The following CFAP251 variants were observed in gnomAD, a reference collection of about 807,000 sequenced individuals.
CFAP251 encodes the protein cilia- and flagella-associated protein 251.
CFAP251 carries 93 observed loss-of-function variants against 126.7 expected under a neutral mutation model. That is an observed-to-expected ratio of 0.73 (90% CI 0.62 to 0.87). CFAP251 has a LOEUF of 0.87. CFAP251 is among the 40% of genes least tolerant of loss of function. The pLI is 0.00. For synonymous variants in CFAP251, 503 were observed against 506.9 expected (o/e 0.99, Z 0.10); for missense variants, 1,287 against 1,389.2 (o/e 0.93, Z 1.17).
chr12:121,979,563 C>CTTCTTTTTTT (rs751383402), intron 19 of CFAP251, among the ~76,000 whole-genome samples: 1 of 85,000 alleles, frequency 1.2e-5, no homozygotes, highest in East Asian at 4.3e-4. Context: ...CTTTCTTCTT[C>CTTCTTTTTTT]TTTTTTTTTT....
chr12:121,923,105 C>A (rs1477134095), intron 2 of CFAP251, among the ~76,000 whole-genome samples: 1 of 151,646 alleles, frequency 6.6e-6, no homozygotes, highest in Admixed American at 6.6e-5. Context: ...CTTTTCTTAT[C>A]TTTTCCTTTT....
At chr12:121,981,521 C>T (rs1420556555) in intron 19 of CFAP251, among the ~76,000 whole-genome samples, 1 of 152,188 alleles carries the variant, frequency 6.6e-6, no homozygotes, top group Admixed American at 6.5e-5. Flanking sequence ...ACCCACTGAC[C>T]TGCTCCCGCC....
At chr12:121,977,134 C>T (rs959507978) in intron 19 of CFAP251, among the ~76,000 whole-genome samples, 8 of 152,112 alleles carry the variant, frequency 5.3e-5, no homozygotes, top group East Asian at 1.9e-4. Flanking sequence ...ACGCCTGGGC[C>T]GTATGGTAGA....
At chr12:121,983,110 C>T (rs1038879694) in intron 19 of CFAP251, among the ~76,000 whole-genome samples, 3 of 151,978 alleles carry the variant, frequency 2.0e-5, no homozygotes, top group Non-Finnish European at 4.4e-5. Flanking sequence ...ACTTGTAGTC[C>T]CAGATACTTG....
intron 3 of CFAP251, among the ~76,000 whole-genome samples, chr12:121,924,710 G>A (rs372219104): frequency 1.2e-3 from 187 of 151,826 alleles, no homozygotes; most frequent in African/African-American, 4.3e-3. Flanking sequence ...GATTACAGGC[G>A]TGAGCCACCA....
At chr12:121,927,845 G>A (rs992407073) in intron 3 of CFAP251, among the ~76,000 whole-genome samples, 4 of 152,178 alleles carry the variant, frequency 2.6e-5, no homozygotes, top group Non-Finnish European at 4.4e-5. Flanking sequence ...ATGTATTTAT[G>A]AGCAGGAATC....
chr12:121,928,625 T>TGTGTATATATATATATATAC (rs1880512155), intron 3 of CFAP251, among the ~76,000 whole-genome samples: 1 of 35,268 alleles, frequency 2.8e-5, no homozygotes, highest in African/African-American at 2.5e-4. Context: ...TATGTATATG[T>TGTGTATATATATATATATAC]GTATATATAT....
intron 2 of CFAP251, among the ~76,000 whole-genome samples, chr12:121,922,105 C>CTTT (rs545096948): frequency 8.3e-6 from 1 of 120,422 alleles, no homozygotes; most frequent in Non-Finnish European, 1.7e-5. Context: ...ACAATCCATT[C>CTTT]TTTTTTTTTT....
intron 17 of CFAP251, among the ~76,000 whole-genome samples, 187 bp from the exon 18 acceptor site, chr12:121,975,057 C>T (rs188975814): frequency 2.6e-3 from 390 of 152,292 alleles, no homozygotes; most frequent in Non-Finnish European, 2.9e-3. Context: ...CTGAGTTCCA[C>T]GCTTGAAATG....
chr12:121,980,611 G>C (rs903106864), intron 19 of CFAP251, among the ~76,000 whole-genome samples: 3 of 152,078 alleles, frequency 2.0e-5, no homozygotes, highest in African/African-American at 4.8e-5. Flanking sequence ...GCCTCCCACA[G>C]TGCTGGGATT....
rs961722236 is a variant in CFAP251 at position 122,000,738 on chromosome 12, A to G, written c.3236-759A>G. On this transcript the variant is annotated intron_variant, in intron 20 of 21. Transcript: ENST00000288912. ...ATCTTAGTCCAAGTGGGTGGTTCTG[A>G]GAGGAGGGAATTTGAAATGAAGCAG... Among the ~76,000 whole-genome samples, 6 of 152,114 alleles carry G rather than the reference A, an allele frequency of 3.9e-5. No homozygotes were observed. In the East Asian group the frequency reaches 9.7e-4, roughly 24 times the overall value.
At chr12:121,937,359 G>T (rs1174208689) in intron 5 of CFAP251, among the ~76,000 whole-genome samples, 1 of 152,094 alleles carries the variant, frequency 6.6e-6, no homozygotes, top group Non-Finnish European at 1.5e-5. Context: ...TAGATTTGGG[G>T]CCCACCCCAG....
chr12:121,923,537 A>C lies in CFAP251; in HGVS notation c.379-85A>C. ...TAATTCCTAGGTGAGGCTAACACTA[A>C]GACTGGCTGACTGGGAATAGAAAAG... On this transcript the variant is annotated intron_variant, in intron 2 of 21. Transcript: ENST00000288912. 2.0e-6 allele frequency: 3 copies of C among 1,496,944 alleles called. No individual in the cohort carries two copies. In the East Asian group the frequency reaches 6.8e-5, roughly 34 times the overall value. The allele number at this position is 1,496,944 out of a possible 1,614,324, so 92.7% of individuals were successfully genotyped here.
intron 14 of CFAP251, among the ~76,000 whole-genome samples, chr12:121,961,045 C>T (rs553976007): frequency 1.3e-5 from 2 of 152,264 alleles, no homozygotes; most frequent in African/African-American, 4.8e-5. Flanking sequence ...CCCTTGCCTC[C>T]CAGTGTGCAC....
chr12:121,977,769 C>A, intron 19 of CFAP251, among the ~76,000 whole-genome samples: 1 of 151,064 alleles, frequency 6.6e-6, no homozygotes, highest in Non-Finnish European at 1.5e-5. Flanking sequence ...TCCTGGCTAA[C>A]ACGGTGAAAC....
chr12:121,950,131 A>G (rs1396475070), intron 8 of CFAP251: 1 of 152,248 alleles, frequency 6.6e-6, no homozygotes, highest in Non-Finnish European at 1.5e-5. Context: ...TATCCATACA[A>G]TGGAATGTTA....
rs975767602 is a variant in CFAP251, at chr12:121,943,640, G to C, written c.1191+665G>C. On this transcript the variant is annotated intron_variant, in intron 7 of 21. Transcript: ENST00000288912. ...GGTTTTCTCCATGTTGGTCAGGCTG[G>C]TCTTGAACTCCCGACCTCAGGTGAT... Among the ~76,000 whole-genome samples, 3 of 152,148 alleles carry C rather than the reference G, an allele frequency of 2.0e-5. No homozygotes were observed. The East Asian group carries it at 5.8e-4, about 30-fold the overall frequency.
At chr12:121,959,274 A>G (rs1881842823) in intron 13 of CFAP251, 180 bp downstream of exon 13, 1 of 601,796 alleles carries the variant, frequency 1.7e-6, no homozygotes, top group Non-Finnish European at 2.7e-6. Flanking sequence ...CCACTGCTAC[A>G]AAAACACTTT....
At chr12:121,944,858 C>T (rs1021272596) in intron 7 of CFAP251, among the ~76,000 whole-genome samples, 1 of 152,218 alleles carries the variant, frequency 6.6e-6, no homozygotes, top group African/African-American at 2.4e-5. Flanking sequence ...TCTCAGCTCA[C>T]TGCAGCCTCT....
Sources: allele counts gnomAD v4.1 joint callset (sites outside exome capture counted in the v4.1 genomes callset), GRCh38; gene constraint gnomAD v4.1.1; transcripts MANE v1.5; gene names NCBI Gene and HGNC (gene_info 2026-07-23, HGNC 2026-07-21).